The following DIP2C variants were observed in gnomAD, a reference collection of about 807,000 sequenced individuals.
DIP2C encodes the protein disco-interacting protein 2 homolog C.
In DIP2C, 33 loss-of-function variants were observed where a neutral mutation model predicts 192.4. That is an observed-to-expected ratio of 0.17 (90% CI 0.13 to 0.23). DIP2C has a LOEUF of 0.23. DIP2C is among the 10% of genes least tolerant of loss of function. DIP2C has a pLI of 1.00. For missense variants in DIP2C, 1,537 were observed against 2,110.1 expected (o/e 0.73, Z 5.32); for synonymous variants, 979 against 864.1 (o/e 1.13, Z -2.33).
chr10:510,553 C>T (rs559105364), intron 1 of DIP2C, among the ~76,000 whole-genome samples: 1 of 152,190 alleles, frequency 6.6e-6, no homozygotes, highest in South Asian at 2.1e-4. Flanking sequence ...CCTGGGCAGC[C>T]GCACAGTGAA....
chr10:650,583 C>A, intron 1 of DIP2C: 1 of 621,616 alleles, frequency 1.6e-6, no homozygotes, highest in South Asian at 1.9e-5. Context: ...GGACGTGGGC[C>A]CCTTCAGTTT....
chr10:665,204 C>T (rs1857009684), intron 1 of DIP2C: 1 of 152,116 alleles, frequency 6.6e-6, no homozygotes, highest in African/African-American at 2.4e-5. Flanking sequence ...TTATTTTTTG[C>T]TTTGGATGGT....
chr10:501,386 T>C (rs1326764718), intron 1 of DIP2C, among the ~76,000 whole-genome samples: 1 of 152,092 alleles, frequency 6.6e-6, no homozygotes, highest in Non-Finnish European at 1.5e-5. Context: ...TGATACATTA[T>C]GAGTAGAACT....
At chr10:469,334 T>TC (rs990622716) in intron 3 of DIP2C, among the ~76,000 whole-genome samples, 2 of 103,104 alleles carry the variant, frequency 1.9e-5, no homozygotes, top group African/African-American at 6.7e-5. Flanking sequence ...TTTTTTTTTT[T>TC]GAGACACAGT....
chr10:417,727 T>C (rs12761330), intron 6 of DIP2C, among the ~76,000 whole-genome samples: 1,701 of 113,462 alleles, frequency 0.015, 150 homozygotes, highest in African/African-American at 0.016. Context: ...CCTCCCTGTC[T>C]GCCTGCGCCT....
chr10:596,820 C>A (rs1469922794), intron 1 of DIP2C, among the ~76,000 whole-genome samples: 1 of 152,188 alleles, frequency 6.6e-6, no homozygotes, highest in African/African-American at 2.4e-5. Flanking sequence ...GGGAGCCTGT[C>A]ATCACCACCA....
intron 1 of DIP2C, among the ~76,000 whole-genome samples, chr10:532,035 C>T (rs1175459489): frequency 6.6e-6 from 1 of 152,234 alleles, no homozygotes; most frequent in African/African-American, 2.4e-5. Flanking sequence ...CAGATGGCTG[C>T]TGTTCCAAGT....
chr10:380,368 G>T (rs1007489074), intron 17 of DIP2C, among the ~76,000 whole-genome samples: 1 of 151,814 alleles, frequency 6.6e-6, no homozygotes, highest in Admixed American at 6.5e-5. Flanking sequence ...TTAACGCGCA[G>T]AAGAGGCTGT....
At chr10:340,220 A>AAATCAT (rs1435380524) in intron 29 of DIP2C, among the ~76,000 whole-genome samples, 1 of 152,100 alleles carries the variant, frequency 6.6e-6, no homozygotes, top group African/African-American at 2.4e-5. Flanking sequence ...AATTTTGAGA[A>AAATCAT]AATCATAACC....
chr10:384,470 T>TC, intron 15 of DIP2C, 76 bp downstream of exon 15: 3 of 1,449,212 alleles, frequency 2.1e-6, no homozygotes, highest in South Asian at 2.3e-5. Context: ...ACTCCTGACC[T>TC]CAGGTGATCC....
chr10:419,583 G>A (rs749831997), intron 5 of DIP2C, among the ~76,000 whole-genome samples: 5 of 152,156 alleles, frequency 3.3e-5, no homozygotes, highest in East Asian at 1.9e-4. Context: ...TTGGAAACCC[G>A]GCTCTGGAAA....
At chr10:592,297 A>G (rs1435896775) in intron 1 of DIP2C, among the ~76,000 whole-genome samples, 1 of 151,878 alleles carries the variant, frequency 6.6e-6, no homozygotes, top group Non-Finnish European at 1.5e-5. Context: ...GTGTGGCTGT[A>G]ATGAGGGCTC....
At chr10:509,306 C>T (rs6560848) in intron 1 of DIP2C, among the ~76,000 whole-genome samples, 107,450 of 152,134 alleles carry the variant, frequency 0.71, 42,242 homozygotes, top group South Asian at 0.87. Context: ...CTGCAGCATC[C>T]TCCTCCTACA....
rs191528680 is a variant in DIP2C, at chr10:409,146, G to T, written c.1058-129C>A. 993 of 806,402 alleles carry T rather than the reference G, an allele frequency of 1.2e-3. 2 individuals carry two copies. The highest frequency in any genetic ancestry group is 1.8e-3 in the Non-Finnish European group (917 of 523,928). 50.0% of individuals were successfully genotyped at this position (806,402 alleles called of 1,614,324 possible). On this transcript the variant is annotated intron_variant, in intron 8 of 36. Coordinates refer to ENST00000280886, the MANE Select transcript of DIP2C (RefSeq NM_014974.3). ...TCATGGTCTGCAAGCGACTTGAAGT[G>T]GGGGCAGCTGAGCAAAGGGGGAACT...
At chr10:511,452 C>T (rs913149873) in intron 1 of DIP2C, among the ~76,000 whole-genome samples, 2 of 152,220 alleles carry the variant, frequency 1.3e-5, no homozygotes, top group African/African-American at 2.4e-5. Context: ...GTTTCCAAAC[C>T]AAGGTGCTAC....
At chr10:283,555 T>C (rs1452066485) in intron 34 of DIP2C, 109 bp from the exon 35 acceptor site, 1 of 1,347,588 alleles carries the variant, frequency 7.4e-7, no homozygotes, top group Non-Finnish European at 1.0e-6. Flanking sequence ...ATAGTAAACG[T>C]TTCCTTGGAC....
chr10:551,938 C>G (rs932436459), intron 1 of DIP2C, among the ~76,000 whole-genome samples: 1 of 152,238 alleles, frequency 6.6e-6, no homozygotes, highest in African/African-American at 2.4e-5. Flanking sequence ...CCCCTGCCAG[C>G]ATCCTCTGAG....
chr10:611,069 G>A (rs1468772208), intron 1 of DIP2C, among the ~76,000 whole-genome samples: 1 of 151,982 alleles, frequency 6.6e-6, no homozygotes, highest in Non-Finnish European at 1.5e-5. Context: ...ACCCAGTGTT[G>A]GAGGTGGGCC....
chr10:286,105 T>C (rs965687261), intron 34 of DIP2C, among the ~76,000 whole-genome samples, 168 bp downstream of exon 34: 2 of 152,242 alleles, frequency 1.3e-5, no homozygotes, highest in Non-Finnish European at 2.9e-5. Context: ...CATGGACTCA[T>C]TTGAGCCATA....
Sources: allele counts gnomAD v4.1 joint callset (sites outside exome capture counted in the v4.1 genomes callset), GRCh38; gene constraint gnomAD v4.1.1; transcripts MANE v1.5; gene names NCBI Gene and HGNC (gene_info 2026-07-23, HGNC 2026-07-21).